Variants in ZNF420 observed in about 807,000 individuals in gnomAD.
ZNF420 encodes the protein ATM and p53-associated KZNF protein.
ZNF420 carries 31 observed loss-of-function variants against 44.7 expected under a neutral mutation model. The observed-to-expected ratio is 0.69, with a 90% CI of 0.52 to 0.94. The LOEUF is 0.94. Ranked by LOEUF, ZNF420 falls within the 40% of genes least tolerant of loss-of-function variation. The pLI, the probability that ZNF420 is intolerant of heterozygous loss-of-function variation, is 0.00. For synonymous variants in ZNF420, 245 were observed against 267.4 expected, an observed-to-expected ratio of 0.92 and a Z score of 0.82; for missense variants, 681 against 827.9, an observed-to-expected ratio of 0.82 and a Z score of 2.18.
At chr19:37,109,829 T>C (rs1348375579) in intron 4 of ZNF420, 1 of 152,232 alleles carries the variant, frequency 6.6e-6, no homozygotes, top group Non-Finnish European at 1.5e-5. Context: ...AGTAAGATGT[T>C]GTTCTGCAGG....
At chr19:37,060,062 G>A (rs1967847745) in intron 1 of ZNF420, among the ~76,000 whole-genome samples, 1 of 152,042 alleles carries the variant, frequency 6.6e-6, no homozygotes, top group Non-Finnish European at 1.5e-5. Context: ...TTTTCGCGGC[G>A]GTTGCACTTC....
At chr19:37,039,749 G>A (rs765955464) in intron 1 of ZNF420, among the ~76,000 whole-genome samples, 3 of 150,386 alleles carry the variant, frequency 2.0e-5, no homozygotes, top group Non-Finnish European at 3.0e-5. Context: ...TGCCCAGACT[G>A]GATTGCAGTG....
intron 1 of ZNF420, among the ~76,000 whole-genome samples, chr19:37,049,169 A>G (rs908579336): frequency 2.0e-5 from 3 of 152,180 alleles, no homozygotes; most frequent in African/African-American, 7.2e-5. Flanking sequence ...TAGTGCTGCA[A>G]TAAACATACG....
intron 1 of ZNF420, among the ~76,000 whole-genome samples, chr19:37,034,198 A>G (rs1967313526): frequency 6.6e-6 from 1 of 151,308 alleles, no homozygotes; most frequent in Admixed American, 6.6e-5. Context: ...TGTTTTTTTG[A>G]TGATTGACAT....
At chr19:37,109,426 ACT>A (rs1970266569) in intron 4 of ZNF420, 1 of 152,128 alleles carries the variant, frequency 6.6e-6, no homozygotes, top group Non-Finnish European at 1.5e-5. Context: ...CAAGCAGCAT[ACT>A]CTCTGGAGTT....
intron 1 of ZNF420, among the ~76,000 whole-genome samples, chr19:37,035,491 G>T (rs568595214): frequency 1.3e-5 from 2 of 152,160 alleles, no homozygotes; most frequent in East Asian, 1.9e-4. Flanking sequence ...TGGCCACCAC[G>T]CCTGGCCACA....
intron 4 of ZNF420, among the ~76,000 whole-genome samples, chr19:37,104,008 T>C (rs1417746061): frequency 3.3e-5 from 5 of 151,386 alleles, no homozygotes; most frequent in African/African-American, 1.2e-4. Context: ...TACTTTAAGT[T>C]CTAGGGTACA....
intron 1 of ZNF420, among the ~76,000 whole-genome samples, chr19:37,014,166 T>A (rs1202937023): frequency 6.6e-6 from 1 of 152,108 alleles, no homozygotes; most frequent in Non-Finnish European, 1.5e-5. Flanking sequence ...TGTCTTTCCT[T>A]CACCCAGCCA....
chr19:37,128,368 C>A lies in ZNF420; in HGVS notation c.1377C>A (p.Gly459=), dbSNP rs1181456600. ...CKECGKTFSR[G]SELTQHERIH... ...AATGTGGAAAAACCTTTAGTCGTGG[C>A]TCAGAACTTACTCAACATGAGCGAA... Residue 459 remains glycine (G), a synonymous_variant, in exon 5 of 5, where the codon GGC becomes GGA. Coordinates refer to ENST00000337995, the MANE Select transcript of ZNF420 (RefSeq NM_144689.5). 6.2e-7 allele frequency: 1 copy of A among 1,613,732 alleles called. No homozygotes were observed.
At chr19:37,018,181 T>C (rs527720096) in intron 1 of ZNF420, among the ~76,000 whole-genome samples, 1 of 152,286 alleles carries the variant, frequency 6.6e-6, no homozygotes, top group South Asian at 2.1e-4. Flanking sequence ...ATCCCCATGT[T>C]CATGGATTGG....
chr19:37,038,532 T>G (rs1270473201), intron 1 of ZNF420, among the ~76,000 whole-genome samples: 3 of 152,238 alleles, frequency 2.0e-5, no homozygotes, highest in Non-Finnish European at 4.4e-5. Flanking sequence ...CAACTAAGTT[T>G]ATGGAATATT....
chr19:37,078,778 A>G (rs934952185), intron 1 of ZNF420, among the ~76,000 whole-genome samples: 5 of 151,884 alleles, frequency 3.3e-5, no homozygotes, highest in African/African-American at 7.3e-5. Context: ...GGTGTTTGTG[A>G]CTGTTTGCTT....
At chr19:37,030,719 G>A (rs900698377) in intron 1 of ZNF420, among the ~76,000 whole-genome samples, 15 of 152,200 alleles carry the variant, frequency 9.9e-5, no homozygotes, top group Non-Finnish European at 2.1e-4. Context: ...ATACATCTAT[G>A]TGTTACATGC....
intron 4 of ZNF420, among the ~76,000 whole-genome samples, chr19:37,103,738 GTTGAAGCAAT>G (rs1328026000): frequency 6.6e-6 from 1 of 151,988 alleles, no homozygotes; most frequent in African/African-American, 2.4e-5. Context: ...TAAGGACACT[GTTGAAGCAAT>G]TGCCCTTTGT....
At chr19:37,026,334 T>TC (rs1258499067) in intron 1 of ZNF420, among the ~76,000 whole-genome samples, 1 of 150,934 alleles carries the variant, frequency 6.6e-6, no homozygotes, top group Non-Finnish European at 1.5e-5. Flanking sequence ...TTTTTTTTTT[T>TC]TTTGAGAGGG....
At chr19:37,102,755 G>T (rs1052157696) in intron 4 of ZNF420, among the ~76,000 whole-genome samples, 3 of 152,098 alleles carry the variant, frequency 2.0e-5, no homozygotes, top group East Asian at 3.9e-4. Context: ...ATATGAGTGG[G>T]TTACCTCCTA....
Position 37,129,076 on chromosome 19 carries a change from G to A in ZNF420, c.*18G>A, listed in dbSNP as rs772877824. On this transcript the variant is annotated 3_prime_UTR_variant, in exon 5 of 5. Transcript: ENST00000337995. ...ACATGTGAATTGTCTGATTATTTGA[G>A]ATCACTATGAAGAGGTTCTCTGGTT... The A allele has an allele frequency of 1.3e-6, 2 of 1,598,624 alleles. No individual in the cohort carries two copies. The highest frequency in any genetic ancestry group is 4.5e-5 in the East Asian group (2 of 44,612).
intron 4 of ZNF420, among the ~76,000 whole-genome samples, chr19:37,112,740 A>G (rs1478274718): frequency 6.6e-6 from 1 of 152,112 alleles, no homozygotes; most frequent in Non-Finnish European, 1.5e-5. Flanking sequence ...CTGGACTGGC[A>G]CTCCAAGGAA....
At chr19:37,032,271 G>T (rs1419550296) in intron 1 of ZNF420, among the ~76,000 whole-genome samples, 2 of 151,550 alleles carry the variant, frequency 1.3e-5, no homozygotes, top group Admixed American at 1.3e-4. Context: ...GGCAGAGGTT[G>T]CAGTGAGCCG....
Sources: gnomAD v4.1 joint callset for allele counts (sites outside exome capture counted in the v4.1 genomes callset) on GRCh38, gnomAD v4.1.1 for gene constraint, MANE v1.5 for transcripts, NCBI Gene and HGNC (gene_info 2026-07-23, HGNC 2026-07-21) for gene names.